The following PATJ variants were observed in gnomAD, a reference collection of about 807,000 sequenced individuals.
PATJ encodes the protein PATJ crumbs cell polarity complex component, also known as inaD-like protein.
A neutral mutation model predicts 224.9 loss-of-function variants in PATJ; 190 were observed. That is an observed-to-expected ratio of 0.84 (90% CI 0.75 to 0.95). The LOEUF (loss-of-function observed/expected upper bound fraction) is 0.95, where lower values mean the gene tolerates loss of function less well. PATJ is among the 40% of genes least tolerant of loss of function. The probability of loss-of-function intolerance (pLI) is 0.00; values close to 1 mark genes in which losing one functional copy is unlikely to be tolerated. For missense variants in PATJ, 2,121 were observed against 2,270.3 expected, an observed-to-expected ratio of 0.93 and a Z score of 1.34; for synonymous variants, 769 against 820.3, an observed-to-expected ratio of 0.94 and a Z score of 1.07.
chr1:61,769,119 A>C (rs568172948), intron 4 of PATJ, among the ~76,000 whole-genome samples, 164 bp from the exon 5 acceptor site: 1 of 152,330 alleles, frequency 6.6e-6, no homozygotes, highest in African/African-American at 2.4e-5. Flanking sequence ...TTCTACTGAA[A>C]TAATCAGGTG....
intron 9 of PATJ, among the ~76,000 whole-genome samples, chr1:61,793,574 C>G (rs978276361): frequency 2.0e-5 from 3 of 151,712 alleles, no homozygotes; most frequent in Non-Finnish European, 4.4e-5. Flanking sequence ...AACACTGTCT[C>G]TACAAAAAAT....
intron 27 of PATJ, among the ~76,000 whole-genome samples, chr1:61,932,185 A>G (rs1331627423): frequency 6.6e-6 from 1 of 152,004 alleles, no homozygotes; most frequent in Non-Finnish European, 1.5e-5. Flanking sequence ...CCCCCAACAC[A>G]CACACAGCCC....
Position 62,121,168 on chromosome 1 carries a change from G to C in PATJ, c.4891-13G>C. The C allele has an allele frequency of 6.3e-7, 1 of 1,586,266 alleles. No homozygotes were observed. The highest frequency in any genetic ancestry group is 8.6e-7 in the Non-Finnish European group (1 of 1,156,914). On this transcript the variant is annotated splice_polypyrimidine_tract_variant and intron_variant, in intron 37 of 43. Transcript: ENST00000642238. ...GTGTCTGCACACAGGTGACCCCTGGGTCTTTCTTTCAGGGTAGTCAGCAGA... is the reference window on the plus strand; with the variant it reads ...GTGTCTGCACACAGGTGACCCCTGGCTCTTTCTTTCAGGGTAGTCAGCAGA...
At position 61,927,720 on chromosome 1, in the gene PATJ, G is replaced by A; in HGVS notation, c.3571-10G>A. On this transcript the variant is annotated splice_polypyrimidine_tract_variant and intron_variant, in intron 26 of 43. Coordinates refer to ENST00000642238, the MANE Select transcript of PATJ (RefSeq NM_001350145.3). ...GCATTTAACCCTTCTCTCAAATTTTGCATCTTCAGAGGCAAGGAACTGCTC... is the reference window on the plus strand; with the variant it reads ...GCATTTAACCCTTCTCTCAAATTTTACATCTTCAGAGGCAAGGAACTGCTC... 2 of 1,578,684 alleles carry A rather than the reference G, an allele frequency of 1.3e-6. No individual in the cohort carries two copies. Among genetic ancestry groups the A allele is most frequent in the Non-Finnish European group, 1.7e-6 (2 of 1,152,094 alleles).
intron 41 of PATJ, among the ~76,000 whole-genome samples, chr1:62,133,770 A>G (rs559143199): frequency 7.2e-6 from 1 of 139,346 alleles, no homozygotes; most frequent in Non-Finnish European, 1.5e-5. Flanking sequence ...TTTTTGAGAC[A>G]GAGTTGCGCT....
At position 62,116,605 on chromosome 1, in the gene PATJ, G is replaced by A. The variant is rs868437781; in HGVS notation, c.4729G>A (p.Gly1577Arg). ...AGACCTGGATGGGAGATTGATTCAGGGAGATCAGATCTTATCTGTGAATGG... is the reference window on the plus strand; with the variant it reads ...AGACCTGGATGGGAGATTGATTCAGAGAGATCAGATCTTATCTGTGAATGG... Reference protein sequence around the residue: ...AADLDGRLIQGDQILSVNGED... With the variant: ...AADLDGRLIQRDQILSVNGED... Residue 1577 changes from glycine to arginine, a missense_variant, in exon 36 of 44, where the codon GGA becomes AGA. By Grantham distance (125) the Gly-to-Arg change is moderately radical (BLOSUM62 -2). Transcript: ENST00000642238. The A allele has an allele frequency of 3.1e-6, 5 of 1,613,970 alleles. 1 individual carries two copies. In the Admixed American group the frequency reaches 6.7e-5, roughly 22 times the overall value.
chr1:61,943,655 G>C (rs1179552193), intron 27 of PATJ, among the ~76,000 whole-genome samples: 1 of 152,146 alleles, frequency 6.6e-6, no homozygotes, highest in Non-Finnish European at 1.5e-5. Flanking sequence ...TCCACCTCTG[G>C]GGGCAGGGCA....
At chr1:61,908,567 A>G (rs1383332717) in intron 25 of PATJ, 85 bp downstream of exon 25, 8 of 799,484 alleles carry the variant, frequency 1.0e-5, no homozygotes, top group South Asian at 3.2e-5. Context: ...TATTTTCCAC[A>G]TATTTTCATT....
At chr1:61,754,017 T>C (rs1324417992) in intron 1 of PATJ, among the ~76,000 whole-genome samples, 2 of 152,316 alleles carry the variant, frequency 1.3e-5, no homozygotes, top group African/African-American at 4.8e-5. Context: ...CATTCTACAG[T>C]GAACCAGATA....
chr1:62,110,394 C>T (rs193000005), intron 34 of PATJ, among the ~76,000 whole-genome samples: 1 of 152,312 alleles, frequency 6.6e-6, no homozygotes, highest in Admixed American at 6.5e-5. Flanking sequence ...GACCATGAAA[C>T]AGCGTAACAC....
chr1:61,997,969 C>A (rs1645477120), intron 28 of PATJ, among the ~76,000 whole-genome samples: 2 of 118,620 alleles, frequency 1.7e-5, no homozygotes, highest in Non-Finnish European at 1.7e-5. Flanking sequence ...AGGTGCATGC[C>A]ACTGTGCCCA....
intron 13 of PATJ, among the ~76,000 whole-genome samples, chr1:61,807,185 C>T (rs1319871957): frequency 6.6e-6 from 1 of 151,994 alleles, no homozygotes; most frequent in East Asian, 1.9e-4. Flanking sequence ...AACAAAAAAA[C>T]ATTTTTTTGA....
intron 30 of PATJ, among the ~76,000 whole-genome samples, chr1:62,043,688 A>T (rs551784865): frequency 2.9e-4 from 44 of 151,720 alleles, no homozygotes; most frequent in Non-Finnish European, 5.0e-4. Context: ...TATATTTATC[A>T]TATACAACAT....
intron 12 of PATJ, among the ~76,000 whole-genome samples, chr1:61,803,094 GA>G (rs1260296651): frequency 6.6e-6 from 1 of 152,112 alleles, no homozygotes; most frequent in Non-Finnish European, 1.5e-5. Context: ...AGTACATTCT[GA>G]AATTAGATAT....
chr1:62,117,027 C>G (rs1432065674), intron 36 of PATJ, 105 bp from the exon 37 acceptor site: 2 of 944,780 alleles, frequency 2.1e-6, no homozygotes, highest in Non-Finnish European at 3.2e-6. Flanking sequence ...CTGTTGCTTT[C>G]ATTACCCTTT....
chr1:61,814,170 G>C (rs1229260438), intron 14 of PATJ, among the ~76,000 whole-genome samples: 1 of 111,338 alleles, frequency 9.0e-6, no homozygotes, highest in Non-Finnish European at 1.7e-5. Flanking sequence ...CAGTGATTCA[G>C]TCTCGCTCTG....
Position 61,987,318 on chromosome 1 carries a change from T to G in PATJ, c.3671-2850T>G, listed in dbSNP as rs375018190. The stretch of plus-strand genomic sequence containing the variant: ...TTCTGTGTGTGAGTTGCAAAAAATG[T>G]GCATTTTGTGTCTGTCAGTTGTAGA... On this transcript the variant is annotated intron_variant, in intron 27 of 43. Coordinates refer to ENST00000642238, the MANE Select transcript of PATJ (RefSeq NM_001350145.3). Among the ~76,000 whole-genome samples, 18 of 152,314 alleles carry G rather than the reference T, an allele frequency of 1.2e-4. No individual in the cohort carries two copies. The East Asian group carries it at 3.1e-3, about 26-fold the overall frequency.
At chr1:61,922,354 A>G (rs1391450718) in intron 26 of PATJ, among the ~76,000 whole-genome samples, 1 of 152,072 alleles carries the variant, frequency 6.6e-6, no homozygotes, top group East Asian at 1.9e-4. Flanking sequence ...AGTAACTGCT[A>G]CTTTAAAGTA....
intron 31 of PATJ, chr1:62,054,318 G>A: frequency 2.3e-6 from 1 of 430,292 alleles, no homozygotes; most frequent in Non-Finnish European, 4.7e-6. Flanking sequence ...AGCTGTGATT[G>A]TGCCACTGCA....
Sources: gnomAD v4.1 joint callset for allele counts (sites outside exome capture counted in the v4.1 genomes callset) on GRCh38, gnomAD v4.1.1 for gene constraint, MANE v1.5 for transcripts, NCBI Gene and HGNC (gene_info 2026-07-23, HGNC 2026-07-21) for gene names.